GARS1: variants seen among roughly 807,000 people sequenced by gnomAD.
GARS1 encodes the protein glycine--tRNA ligase.
A neutral mutation model predicts 86.4 loss-of-function variants in GARS1; 46 were observed. The ratio of observed to expected loss-of-function variants is 0.53; its 90% CI spans 0.42 to 0.68. The LOEUF (loss-of-function observed/expected upper bound fraction) is 0.68. Among genes scored for constraint, GARS1 ranks in the 30% least tolerant of loss-of-function variants. GARS1 has a pLI of 0.00. For synonymous variants in GARS1, 342 were observed against 329.8 expected (o/e 1.04, Z -0.40); for missense variants, 797 against 915.6 (o/e 0.87, Z 1.67).
chr7:30,611,553 C>T (rs986489145), intron 7 of GARS1, among the ~76,000 whole-genome samples: 11 of 152,136 alleles, frequency 7.2e-5, no homozygotes, highest in Admixed American at 2.0e-4. Context: ...GGCGTGATCT[C>T]GGCTCACTGC....
At chr7:30,603,678 T>C in intron 6 of GARS1, 106 bp downstream of exon 6, 1 of 825,022 alleles carries the variant, frequency 1.2e-6, no homozygotes, top group Non-Finnish European at 2.1e-6. Flanking sequence ...GGCCACATTG[T>C]AATGAAGCAG....
intron 6 of GARS1, among the ~76,000 whole-genome samples, chr7:30,606,015 A>AT (rs1791477042): frequency 6.6e-6 from 1 of 151,940 alleles, no homozygotes; most frequent in South Asian, 2.1e-4. Flanking sequence ...TTTCATTAAA[A>AT]TTTTTTTCAA....
rs1303425335 is a variant in GARS1, at chr7:30,594,931, C to T, written c.10C>T (p.Pro4Ser). The T allele has an allele frequency of 3.8e-6, 6 of 1,590,502 alleles. No homozygotes were observed. The highest frequency in any genetic ancestry group is 1.3e-5 in the African/African-American group (1 of 74,754). Reference sequence around the variant, plus strand: ...CCAGGGCCGCAGGCTCATGCCCTCTCCGCGTCCAGTGCTGCTTAGAGGTGC... The same window carrying T: ...CCAGGGCCGCAGGCTCATGCCCTCTTCGCGTCCAGTGCTGCTTAGAGGTGC... MPS[P>S]RPVLLRGARA... is the part of the protein sequence containing the mutation. Residue 4 changes from proline to serine, a missense_variant, in exon 1 of 17, where the codon CCG becomes TCG. By Grantham distance (74) the Pro-to-Ser change is moderately conservative. Coordinates refer to ENST00000389266, the MANE Select transcript of GARS1 (RefSeq NM_002047.4).
At position 30,594,886 on chromosome 7, in the gene GARS1, C is replaced by T. The variant is rs531483802; in HGVS notation, c.-36C>T. On this transcript the variant is annotated 5_prime_UTR_variant, in exon 1 of 17. Coordinates refer to ENST00000389266, the MANE Select transcript of GARS1 (RefSeq NM_002047.4). The stretch of plus-strand genomic sequence containing the variant: ...GCCGGGCGGCGCGCGCCGCTTCCGT[C>T]GCCACCCTCTCTGGACAGCCCAGGG... 18 of 1,510,170 alleles carry T rather than the reference C, an allele frequency of 1.2e-5. 1 individual carries two copies. Among genetic ancestry groups the T allele is most frequent in the South Asian group, 6.0e-5 (5 of 83,304 alleles). 93.5% of individuals were successfully genotyped at this position (1,510,170 alleles called of 1,614,324 possible).
chr7:30,612,106 C>G lies in GARS1; in HGVS notation c.892C>G (p.Pro298Ala). 6.2e-7 allele frequency: 1 copy of G among 1,613,800 alleles called. No individual in the cohort carries two copies. The highest frequency in any genetic ancestry group is 8.5e-7 in the Non-Finnish European group (1 of 1,179,784). Reference protein sequence around the residue: ...PGGNMPGYLRPETAQGIFLNF... With the variant: ...PGGNMPGYLRAETAQGIFLNF... Reference sequence around the variant, plus strand: ...TACTTAAATTTATAGGTACTTGAGACCAGAAACTGCACAGGGGATTTTCTT... The same window carrying G: ...TACTTAAATTTATAGGTACTTGAGAGCAGAAACTGCACAGGGGATTTTCTT... Residue 298 changes from proline to alanine, a missense_variant, in exon 8 of 17, where the codon CCA becomes GCA. This residue lies in a region of GARS1 where 598 missense variants were observed against 738.7 expected (regional missense o/e 0.81). Transcript: ENST00000389266.
intron 1 of GARS1, among the ~76,000 whole-genome samples, chr7:30,596,466 A>C (rs1289414894): frequency 6.6e-6 from 1 of 151,846 alleles, no homozygotes; most frequent in African/African-American, 2.4e-5. Flanking sequence ...CTTTAGAAGG[A>C]AGCATACAAC....
At chr7:30,630,936 A>G (rs951602836) in intron 14 of GARS1, among the ~76,000 whole-genome samples, 4 of 152,128 alleles carry the variant, frequency 2.6e-5, no homozygotes, top group African/African-American at 9.7e-5. Context: ...TTTTGGACAT[A>G]TGTTTGTGAG....
At chr7:30,612,827 C>G (rs1328368931) in intron 8 of GARS1, among the ~76,000 whole-genome samples, 1 of 152,182 alleles carries the variant, frequency 6.6e-6, no homozygotes, top group African/African-American at 2.4e-5. Flanking sequence ...TTTGTCTGAT[C>G]TATCCAGGGA....
At chr7:30,621,980 G>A in intron 11 of GARS1, 2 of 378,874 alleles carry the variant, frequency 5.3e-6, no homozygotes, top group South Asian at 2.5e-5. Flanking sequence ...TTTCTTAGGG[G>A]TAGGTCAGTG....
At position 30,595,052 on chromosome 7, in the gene GARS1, T is replaced by A; in HGVS notation, c.131T>A (p.Ile44Asn). 6.4e-7 allele frequency: 1 copy of A among 1,556,978 alleles called. No homozygotes were observed. Among genetic ancestry groups the A allele is most frequent in the Non-Finnish European group, 8.6e-7 (1 of 1,157,690 alleles). Residue 44 changes from isoleucine (I) to asparagine (N), a missense_variant, in exon 1 of 17, where the codon ATC (isoleucine) becomes AAC (asparagine). Transcript: ENST00000389266. Reference sequence around the variant, plus strand: ...CTCAGCGCGGCCTCCTGCCCCCCGATCTCCTTGCCCGCCGCCGCCTCCCGG... The same window carrying A: ...CTCAGCGCGGCCTCCTGCCCCCCGAACTCCTTGCCCGCCGCCGCCTCCCGG... ...RSLSAASCPP[I>N]SLPAAASRSS...
rs1217925596 is a variant in GARS1, at chr7:30,595,019, GC to G, written c.100del (p.Arg34GlyfsTer34). 4.4e-6 allele frequency: 7 copies of G among 1,580,142 alleles called. No homozygotes were observed. The East Asian group carries it at 1.6e-4, about 36-fold the overall frequency. On this transcript the variant is annotated frameshift_variant, in exon 1 of 17. Coordinates refer to ENST00000389266, the MANE Select transcript of GARS1 (RefSeq NM_002047.4). LOFTEE classifies it high-confidence loss of function. ...TTAGCCCGACCCTCGCTCCTGCTCC[GC>G]CGGTCCCTCAGCGCGGCCTCCTGCC... ...RLLARPSLLL[R>X]RSLSAASCPP...
chr7:30,609,536 T>C (rs770810074), intron 6 of GARS1, 49 bp from the exon 7 acceptor site: 2 of 1,490,154 alleles, frequency 1.3e-6, no homozygotes, highest in East Asian at 2.3e-5. Context: ...TTATATCTTA[T>C]GCCTTGTTTT....
At chr7:30,619,903 A>T (rs1217177425) in intron 10 of GARS1, among the ~76,000 whole-genome samples, 1 of 148,934 alleles carries the variant, frequency 6.7e-6, no homozygotes, top group Admixed American at 6.7e-5. Flanking sequence ...TCGGCCTCCC[A>T]AATAGCTGGG....
chr7:30,627,081 G>T (rs1333612869), intron 13 of GARS1: 1 of 466,098 alleles, frequency 2.1e-6, no homozygotes, highest in South Asian at 1.6e-5. Context: ...ATTAGGCAAT[G>T]AGTAATTTGG....
chr7:30,603,008 A>G (rs1791411275), intron 4 of GARS1, 26 bp from the exon 5 acceptor site: 1 of 1,506,976 alleles, frequency 6.6e-7, no homozygotes, highest in African/African-American at 1.4e-5. Context: ...GAGAATGACA[A>G]ATTGGGTTGG....
At chr7:30,618,236 A>C (rs1782929548) in intron 10 of GARS1, among the ~76,000 whole-genome samples, 2 of 152,190 alleles carry the variant, frequency 1.3e-5, no homozygotes, top group Non-Finnish European at 2.9e-5. Context: ...TGTATTGAGC[A>C]AACATTTTCT....
At chr7:30,614,762 G>A (rs1036659789) in intron 8 of GARS1, among the ~76,000 whole-genome samples, 2 of 151,668 alleles carry the variant, frequency 1.3e-5, no homozygotes, top group African/African-American at 4.8e-5. Context: ...TGTAGTCCCA[G>A]CTACTCGGGA....
At chr7:30,598,933 G>A in intron 2 of GARS1, 36 bp downstream of exon 2, 1 of 1,483,200 alleles carries the variant, frequency 6.7e-7, no homozygotes, top group South Asian at 1.1e-5. Flanking sequence ...AACATAAGTA[G>A]GTATAGGATT....
At position 30,612,263 on chromosome 7, in the gene GARS1, C is replaced by G; in HGVS notation, c.1031+18C>G. ...AGAGTCAGGTACTGCTCAGGTTACT[C>G]TTACAAATTAGTGAATGACCTTGGC... On this transcript the variant is annotated intron_variant, in intron 8 of 16. Coordinates refer to ENST00000389266, the MANE Select transcript of GARS1 (RefSeq NM_002047.4). 1.2e-6 allele frequency: 2 copies of G among 1,611,926 alleles called. No individual in the cohort carries two copies. The highest frequency in any genetic ancestry group is 3.3e-4 in the Middle Eastern group (2 of 6,058).
Sources: allele counts gnomAD v4.1 joint callset (sites outside exome capture counted in the v4.1 genomes callset), GRCh38; gene constraint gnomAD v4.1.1; regional missense constraint gnomAD v4.1.1; transcripts MANE v1.5; gene names NCBI Gene and HGNC (gene_info 2026-07-23, HGNC 2026-07-21).